Variants in TSPAN5 observed in about 807,000 individuals in gnomAD.
TSPAN5 encodes the protein tetraspanin 5.
TSPAN5 carries 10 observed loss-of-function variants against 37.1 expected under a neutral mutation model. The ratio of observed to expected loss-of-function variants is 0.27; its 90% CI spans 0.17 to 0.46. The LOEUF is 0.46. TSPAN5 is among the 20% of genes least tolerant of loss of function. The pLI is 1.00. For missense variants in TSPAN5, 195 were observed against 326.6 expected, an observed-to-expected ratio of 0.60 and a Z score of 3.11; for synonymous variants, 110 against 118.9, an observed-to-expected ratio of 0.93 and a Z score of 0.48.
At chr4:98,654,595 TC>T (rs1579058683) in intron 1 of TSPAN5, among the ~76,000 whole-genome samples, 1 of 152,130 alleles carries the variant, frequency 6.6e-6, no homozygotes, top group Non-Finnish European at 1.5e-5. Flanking sequence ...AAACAAGTTT[TC>T]CCCCACCAGC....
intron 1 of TSPAN5, among the ~76,000 whole-genome samples, chr4:98,582,498 G>A (rs546722082): frequency 1.3e-5 from 2 of 152,316 alleles, no homozygotes; most frequent in East Asian, 1.9e-4. Context: ...TTTGCTTTCC[G>A]TTTTGACAGT....
chr4:98,630,070 T>C (rs1756706216), intron 1 of TSPAN5, among the ~76,000 whole-genome samples: 1 of 152,186 alleles, frequency 6.6e-6, no homozygotes, highest in Admixed American at 6.5e-5. Flanking sequence ...TGGTCAGAGA[T>C]GGGCCCTGTC....
chr4:98,599,935 G>A (rs1397343476), intron 1 of TSPAN5, among the ~76,000 whole-genome samples: 1 of 152,070 alleles, frequency 6.6e-6, no homozygotes. Context: ...CTTATCTTGG[G>A]TAACTACTAA....
intron 1 of TSPAN5, among the ~76,000 whole-genome samples, chr4:98,535,766 C>A (rs1754216836): frequency 6.6e-6 from 1 of 152,076 alleles, no homozygotes; most frequent in Admixed American, 6.6e-5. Context: ...TGTCTTCTTT[C>A]TTTATTTCAT....
intron 1 of TSPAN5, among the ~76,000 whole-genome samples, chr4:98,564,547 T>C (rs780675354): frequency 1.3e-5 from 2 of 151,280 alleles, no homozygotes; most frequent in Admixed American, 6.6e-5. Context: ...TATTAATTAA[T>C]GCTTCCCACA....
chr4:98,633,702 G>T (rs542667739), intron 1 of TSPAN5, among the ~76,000 whole-genome samples: 1 of 152,140 alleles, frequency 6.6e-6, no homozygotes, highest in Non-Finnish European at 1.5e-5. Context: ...AGACTGGATC[G>T]TCATGAAATA....
intron 7 of TSPAN5, among the ~76,000 whole-genome samples, chr4:98,473,390 G>T (rs961543884): frequency 2.1e-4 from 32 of 151,746 alleles, no homozygotes; most frequent in Admixed American, 1.9e-3. Context: ...GAAATATGTG[G>T]CTTTGAATTG....
At chr4:98,476,339 G>A (rs745823239) in intron 6 of TSPAN5, 34 bp from the exon 7 acceptor site, 1 of 1,612,850 alleles carries the variant, frequency 6.2e-7, no homozygotes, top group Admixed American at 1.7e-5. Context: ...CATTGTCACA[G>A]ATAGAGCACC....
chr4:98,635,926 A>T (rs575668188), intron 1 of TSPAN5, among the ~76,000 whole-genome samples: 1 of 152,224 alleles, frequency 6.6e-6, no homozygotes, highest in African/African-American at 2.4e-5. Flanking sequence ...TAGGGTAGGG[A>T]TAGAAGAAGT....
intron 4 of TSPAN5, among the ~76,000 whole-genome samples, chr4:98,480,130 C>A (rs1752806716): frequency 6.6e-6 from 1 of 152,100 alleles, no homozygotes; most frequent in African/African-American, 2.4e-5. Flanking sequence ...CAGAGAGATC[C>A]CTGTTGCATT....
chr4:98,591,807 T>C (rs926842349), intron 1 of TSPAN5, among the ~76,000 whole-genome samples: 10 of 151,994 alleles, frequency 6.6e-5, no homozygotes, highest in African/African-American at 2.2e-4. Flanking sequence ...CATTTATCTA[T>C]AAGTTTAATG....
intron 1 of TSPAN5, among the ~76,000 whole-genome samples, chr4:98,655,032 G>A (rs976030687): frequency 6.6e-6 from 1 of 152,044 alleles, no homozygotes; most frequent in African/African-American, 2.4e-5. Flanking sequence ...ATTTCAGTAG[G>A]GACAGAGTTT....
chr4:98,561,683 G>A (rs1390707877), intron 1 of TSPAN5, among the ~76,000 whole-genome samples: 1 of 152,166 alleles, frequency 6.6e-6, no homozygotes, highest in Non-Finnish European at 1.5e-5. Context: ...ACATTTGAGG[G>A]ACACGGATCC....
rs2110119755 is a variant in TSPAN5 at position 98,523,301 on chromosome 4, A to C, written c.82-15573T>G. ...TTCCTCTGGTTTAAAGACATCCATA[A>C]CTTTTTGTTCTCTGAATAAAAGTGG... On this transcript the variant is annotated intron_variant, in intron 1 of 7. Transcript: ENST00000305798. 2.0e-5 allele frequency among the ~76,000 whole-genome samples: 3 copies of C among 152,324 alleles called. No individual in the cohort carries two copies. The South Asian group carries it at 6.2e-4, about 32-fold the overall frequency.
chr4:98,530,452 G>A (rs1353519130), intron 1 of TSPAN5, among the ~76,000 whole-genome samples: 2 of 152,146 alleles, frequency 1.3e-5, no homozygotes, highest in Non-Finnish European at 2.9e-5. Flanking sequence ...GCTTGATTAA[G>A]GCCAGGGCTC....
At chr4:98,657,780 A>G (rs1307081309) in intron 1 of TSPAN5, 1 of 297,942 alleles carries the variant, frequency 3.4e-6, no homozygotes, top group Non-Finnish European at 6.4e-6. Context: ...CTATTATGAC[A>G]CCACGCTCTG....
rs180852300 is a variant in TSPAN5, at chr4:98,580,787, T to C, written c.82-73059A>G. Among the ~76,000 whole-genome samples, 206 of 152,318 alleles carry C rather than the reference T, an allele frequency of 1.4e-3. 1 individual carries two copies. Among genetic ancestry groups the C allele is most frequent in the African/African-American group, 4.8e-3 (200 of 41,566 alleles). On this transcript the variant is annotated intron_variant, in intron 1 of 7. Transcript: ENST00000305798. ...CCTGCCACTGAGACTATTTATAATGTCAGCCAATTGGAGACCCGTACAGGA... is the reference window on the plus strand; with the variant it reads ...CCTGCCACTGAGACTATTTATAATGCCAGCCAATTGGAGACCCGTACAGGA...
Position 98,547,174 on chromosome 4 carries a change from G to T in TSPAN5, c.82-39446C>A, listed in dbSNP as rs536160640. Among the ~76,000 whole-genome samples, 51 of 152,336 alleles carry T rather than the reference G, an allele frequency of 3.3e-4. No individual in the cohort carries two copies. The South Asian group carries it at 0.01, about 30-fold the overall frequency. ...AGGCGGCCCCAGGAGATGCTGAGGG[G>T]CTTAACATCCCACGCGGTGCTCCCA... On this transcript the variant is annotated intron_variant, in intron 1 of 7. Transcript: ENST00000305798.
intron 1 of TSPAN5, among the ~76,000 whole-genome samples, chr4:98,608,012 T>G (rs1307705746): frequency 6.6e-6 from 1 of 152,178 alleles, no homozygotes. Context: ...CGCCGGGCCA[T>G]GAAATTTATA....
Sources: allele counts gnomAD v4.1 joint callset (sites outside exome capture counted in the v4.1 genomes callset), GRCh38; gene constraint gnomAD v4.1.1; transcripts MANE v1.5; gene names NCBI Gene and HGNC (gene_info 2026-07-23, HGNC 2026-07-21).